Variants in BMPR2 observed in about 807,000 individuals in gnomAD.
BMPR2 encodes bone morphogenetic protein receptor type 2.
In BMPR2, 29 loss-of-function variants were observed where a neutral mutation model predicts 100.8. The observed-to-expected ratio is 0.29, with a 90% CI of 0.21 to 0.39. The LOEUF is 0.39. Ranked by LOEUF, BMPR2 falls within the 10% of genes least tolerant of loss-of-function variation. BMPR2 has a pLI of 1.00. For synonymous variants in BMPR2, 382 were observed against 442.3 expected (o/e 0.86, Z 1.71); for missense variants, 1,011 against 1,274.5 (o/e 0.79, Z 3.15).
chr2:202,478,699 A>G (rs568581428), intron 3 of BMPR2, among the ~76,000 whole-genome samples: 1 of 152,220 alleles, frequency 6.6e-6, no homozygotes, highest in Non-Finnish European at 1.5e-5. Flanking sequence ...ACTTGAGCCC[A>G]GCAGTTTCAA....
At chr2:202,436,921 CT>C (rs1487046861) in intron 1 of BMPR2, among the ~76,000 whole-genome samples, 3 of 150,582 alleles carry the variant, frequency 2.0e-5, no homozygotes, top group Non-Finnish European at 4.4e-5. Flanking sequence ...TCTCATATCT[CT>C]TTTTTTCCTT....
chr2:202,544,598 C>G (rs531568704), intron 10 of BMPR2, among the ~76,000 whole-genome samples: 34 of 151,660 alleles, frequency 2.2e-4, no homozygotes, highest in Non-Finnish European at 4.6e-4. Context: ...AATTTTTTTT[C>G]TCTATAAGCT....
At chr2:202,430,687 C>T (rs567486317) in intron 1 of BMPR2, among the ~76,000 whole-genome samples, 7 of 152,042 alleles carry the variant, frequency 4.6e-5, no homozygotes, top group Non-Finnish European at 7.4e-5. Flanking sequence ...TGGACAGGCG[C>T]GGTGGATCAC....
chr2:202,445,057 G>C (rs1338454802), intron 1 of BMPR2, among the ~76,000 whole-genome samples: 1 of 150,330 alleles, frequency 6.7e-6, no homozygotes, highest in Non-Finnish European at 1.5e-5. Flanking sequence ...CAAAGTGCTC[G>C]GATTACGGGT....
chr2:202,555,257 T>C lies in BMPR2; in HGVS notation c.1592T>C (p.Leu531Pro), dbSNP rs1379660967. ...ACTTTTTTTCTTTCTTTAAGCAACC[T>C]GTCACATAATAGGCGTGTGCCAAAA... Reference protein sequence around the residue: ...MSTAMQNERNLSHNRRVPKIG... With the variant: ...MSTAMQNERNPSHNRRVPKIG... The change falls in exon 12 of 13, where the codon CTG becomes CCG. Residue 531 changes from leucine to proline, a missense_variant. Transcript: ENST00000374580. 6.2e-7 allele frequency: 1 copy of C among 1,613,942 alleles called. No homozygotes were observed. The highest frequency in any genetic ancestry group is 8.5e-7 in the Non-Finnish European group (1 of 1,179,812).
chr2:202,549,546 C>A (rs1250511836), intron 10 of BMPR2, among the ~76,000 whole-genome samples: 2 of 151,998 alleles, frequency 1.3e-5, no homozygotes, highest in Non-Finnish European at 2.9e-5. Flanking sequence ...TGGCGGAGTT[C>A]AAGACCAGCC....
rs370910659 is a variant in BMPR2 at position 202,409,229 on chromosome 2, C to T, written c.76+31679C>T. The stretch of plus-strand genomic sequence containing the variant: ...GTGTGGTGGTGCACACCTGTAATCA[C>T]AGCTATTTGGGTGGCTATGGCATGA... On this transcript the variant is annotated intron_variant, in intron 1 of 12. Transcript: ENST00000374580. Among the ~76,000 whole-genome samples, 7 of 152,256 alleles carry T rather than the reference C, an allele frequency of 4.6e-5. 1 individual carries two copies. The highest frequency in any genetic ancestry group is 3.9e-4 in the Admixed American group (6 of 15,286).
At chr2:202,401,278 GAAA>G (rs1690765298) in intron 1 of BMPR2, among the ~76,000 whole-genome samples, 1 of 152,150 alleles carries the variant, frequency 6.6e-6, no homozygotes, top group Non-Finnish European at 1.5e-5. Context: ...GGCAATACCT[GAAA>G]GGAACATGGT....
At chr2:202,502,467 GAGAA>G (rs951255959) in intron 3 of BMPR2, among the ~76,000 whole-genome samples, 5 of 151,636 alleles carry the variant, frequency 3.3e-5, no homozygotes, top group Admixed American at 1.3e-4. Context: ...AGAAGTTGAA[GAGAA>G]AGAAAGAGAG....
In BMPR2 at chr2:202,390,980, C is replaced by CTTTTTTTTTT. The variant is rs11459505; in HGVS notation, c.76+13448_76+13457dup. ...ACCAAAAATGCTTTTAGTAAGTAGT[C>CTTTTTTTTTT]TTTTTTTTTTTTTTTTTTTTTTTTT... On this transcript the variant is annotated intron_variant, in intron 1 of 12. Transcript: ENST00000374580. Among the ~76,000 whole-genome samples, 7 of 51,932 alleles carry CTTTTTTTTTT rather than the reference C, an allele frequency of 1.3e-4. 3 individuals are homozygous for CTTTTTTTTTT. Among genetic ancestry groups the CTTTTTTTTTT allele is most frequent in the African/African-American group, 3.0e-4 (4 of 13,328 alleles). 34.1% of individuals were successfully genotyped at this position (51,932 alleles called of 152,430 possible).
At chr2:202,488,077 A>T (rs970351456) in intron 3 of BMPR2, among the ~76,000 whole-genome samples, 1 of 152,160 alleles carries the variant, frequency 6.6e-6, no homozygotes, top group African/African-American at 2.4e-5. Flanking sequence ...TCATGTATCC[A>T]TTCATTCATT....
At chr2:202,546,982 A>G (rs1688387481) in intron 10 of BMPR2, among the ~76,000 whole-genome samples, 1 of 151,658 alleles carries the variant, frequency 6.6e-6, no homozygotes, top group Non-Finnish European at 1.5e-5. Context: ...TGCCAAGACT[A>G]GTCTTAAACT....
intron 9 of BMPR2, among the ~76,000 whole-genome samples, chr2:202,534,183 T>TACAC (rs200582793): frequency 6.7e-6 from 1 of 148,210 alleles, no homozygotes; most frequent in Non-Finnish European, 1.5e-5. Context: ...TATATATATA[T>TACAC]ACACACACAC....
chr2:202,402,867 C>T (rs1418323717), intron 1 of BMPR2, among the ~76,000 whole-genome samples: 2 of 149,218 alleles, frequency 1.3e-5, no homozygotes, highest in Non-Finnish European at 3.0e-5. Context: ...TCGCTTTTGT[C>T]GTCTAGGCTG....
chr2:202,546,814 G>A (rs898378557), intron 10 of BMPR2, among the ~76,000 whole-genome samples: 4 of 152,268 alleles, frequency 2.6e-5, no homozygotes, highest in Admixed American at 2.6e-4. Context: ...ATATTGGTCA[G>A]GCTGGTCTTG....
intron 1 of BMPR2, among the ~76,000 whole-genome samples, chr2:202,393,752 G>C (rs1392688176): frequency 6.6e-6 from 1 of 152,058 alleles, no homozygotes; most frequent in Non-Finnish European, 1.5e-5. Flanking sequence ...TACTCTGTGG[G>C]TTGCATTTAT....
At chr2:202,528,363 A>G (rs964408432) in intron 7 of BMPR2, among the ~76,000 whole-genome samples, 1 of 151,968 alleles carries the variant, frequency 6.6e-6, no homozygotes, top group African/African-American at 2.4e-5. Flanking sequence ...GATTTTTTGT[A>G]TTTTTAGTAG....
chr2:202,502,631 C>A (rs1687422598), intron 3 of BMPR2, among the ~76,000 whole-genome samples: 1 of 152,176 alleles, frequency 6.6e-6, no homozygotes, highest in African/African-American at 2.4e-5. Context: ...AAAATCTATC[C>A]TTACTGTATA....
At chr2:202,471,343 TA>T (rs1454270975) in intron 3 of BMPR2, among the ~76,000 whole-genome samples, 1 of 152,158 alleles carries the variant, frequency 6.6e-6, no homozygotes, top group Non-Finnish European at 1.5e-5. Flanking sequence ...CAAAGGATCC[TA>T]AATCTAGGGG....
Sources: allele counts gnomAD v4.1 joint callset (sites outside exome capture counted in the v4.1 genomes callset), GRCh38; gene constraint gnomAD v4.1.1; transcripts MANE v1.5; gene names NCBI Gene and HGNC (gene_info 2026-07-23, HGNC 2026-07-21).